Variants in DIP2C observed in about 807,000 individuals in gnomAD.
The protein encoded by DIP2C is disco-interacting protein 2 homolog C.
In DIP2C, 33 loss-of-function variants were observed where a neutral mutation model predicts 192.4. The observed-to-expected ratio is 0.17, with a 90% CI of 0.13 to 0.23. The LOEUF is 0.23. Ranked by LOEUF, DIP2C falls within the 10% of genes least tolerant of loss-of-function variation. The probability of loss-of-function intolerance (pLI) is 1.00; values close to 1 mark genes in which losing one functional copy is unlikely to be tolerated. For synonymous variants in DIP2C, 979 were observed against 864.1 expected (o/e 1.13, Z -2.33); for missense variants, 1,537 against 2,110.1 (o/e 0.73, Z 5.32).
chr10:635,790 G>A (rs1361442456), intron 1 of DIP2C, among the ~76,000 whole-genome samples: 1 of 152,210 alleles, frequency 6.6e-6, no homozygotes, highest in Non-Finnish European at 1.5e-5. Flanking sequence ...GGGCAGAGGT[G>A]GCCAAACTGC....
chr10:395,502 G>T (rs4881224), intron 10 of DIP2C, among the ~76,000 whole-genome samples: 1 of 151,952 alleles, frequency 6.6e-6, no homozygotes, highest in East Asian at 1.9e-4. Context: ...CTCAGGGGAG[G>T]GTCTCTGTAC....
At chr10:372,218 G>A in intron 17 of DIP2C, among the ~76,000 whole-genome samples, 1 of 152,058 alleles carries the variant, frequency 6.6e-6, no homozygotes, top group Non-Finnish European at 1.5e-5. Flanking sequence ...TGGGACTACA[G>A]GCGCCGCCAC....
chr10:558,357 G>T (rs773848957), intron 1 of DIP2C, among the ~76,000 whole-genome samples: 4 of 152,208 alleles, frequency 2.6e-5, no homozygotes, highest in Non-Finnish European at 4.4e-5. Context: ...TCATGTGTGT[G>T]AATAATTTAC....
Position 366,402 on chromosome 10 carries a change from C to T in DIP2C, c.2141G>A (p.Cys714Tyr). ...VGLVMPGAIM[C>Y]SVKPDGVPQL... ...AGGAACCCCGTCTGGCTTCACTGAA[C>T]ACATGATGGCTAAAAGCAAACAGGA... is the stretch of plus-strand genomic sequence containing the variant. Residue 714 changes from cysteine (C) to tyrosine (Y), a missense_variant, in exon 19 of 37, where the codon TGT becomes TAT. By Grantham distance (194) the Cys-to-Tyr change is radical. Transcript: ENST00000280886. 1 of 1,614,206 alleles carries T rather than the reference C, an allele frequency of 6.2e-7. No homozygotes were observed. Among genetic ancestry groups the T allele is most frequent in the Non-Finnish European group, 8.5e-7 (1 of 1,180,048 alleles).
intron 2 of DIP2C, among the ~76,000 whole-genome samples, chr10:481,412 G>T (rs143129001): frequency 2.6e-5 from 4 of 152,164 alleles, no homozygotes. Context: ...TCTCCGTGGC[G>T]ACAGGGCAAG....
Position 689,559 on chromosome 10 carries a change from TC to T in DIP2C, c.19del (p.Glu7ArgfsTer37). 3 of 1,254,946 alleles carry T rather than the reference TC, an allele frequency of 2.4e-6. No individual in the cohort carries two copies. The highest frequency in any genetic ancestry group is 3.5e-5 in the South Asian group (2 of 57,094). 77.7% of individuals were successfully genotyped at this position (1,254,946 alleles called of 1,614,324 possible). ...CACCTCCAGGGGCAGCGCCATGCCC[TC>T]CAGGCTGCGGTCCGCCATGCTCCGC... MADRSL[E>X]GMALPLEVRA... On this transcript the variant is annotated frameshift_variant, in exon 1 of 37. Coordinates refer to ENST00000280886, the MANE Select transcript of DIP2C (RefSeq NM_014974.3). LOFTEE classifies it high-confidence loss of function. The surrounding 1 kb of genome is among the most constrained non-coding windows in gnomAD (Gnocchi z 6.1).
chr10:513,716 TTCA>T (rs1846175528), intron 1 of DIP2C, among the ~76,000 whole-genome samples: 1 of 151,582 alleles, frequency 6.6e-6, no homozygotes, highest in African/African-American at 2.4e-5. Flanking sequence ...TGTTTAAACA[TTCA>T]TCAAAGTAAA....
chr10:303,601 A>G (rs1249827896), intron 32 of DIP2C, among the ~76,000 whole-genome samples: 1 of 151,514 alleles, frequency 6.6e-6, no homozygotes, highest in African/African-American at 2.4e-5. Flanking sequence ...TTGGCTCACC[A>G]CAACCTCTGC....
intron 4 of DIP2C, among the ~76,000 whole-genome samples, chr10:433,005 A>G (rs1394531858): frequency 6.6e-6 from 1 of 151,980 alleles, no homozygotes; most frequent in Non-Finnish European, 1.5e-5. Context: ...TATTCTTTTA[A>G]ATTTGTTAAG....
At chr10:578,774 A>G (rs527859381) in intron 1 of DIP2C, among the ~76,000 whole-genome samples, 3 of 151,772 alleles carry the variant, frequency 2.0e-5, no homozygotes, top group South Asian at 2.1e-4. Flanking sequence ...CCAACTACAT[A>G]TAGTGTACAA....
chr10:419,661 A>C (rs1320380176), intron 5 of DIP2C, among the ~76,000 whole-genome samples: 1 of 152,162 alleles, frequency 6.6e-6, no homozygotes, highest in Admixed American at 6.5e-5. Flanking sequence ...TGGGAACAGT[A>C]ATGGCCATGA....
At chr10:635,232 C>A (rs1319677895) in intron 1 of DIP2C, among the ~76,000 whole-genome samples, 1 of 152,228 alleles carries the variant, frequency 6.6e-6, no homozygotes, top group Non-Finnish European at 1.5e-5. Flanking sequence ...AAGGCAAATC[C>A]ACCTGTGAAT....
At position 532,544 on chromosome 10, in the gene DIP2C, T is replaced by TATGGGTGAGAGAGAGAGTATGGGTGAGA. The variant is rs1554892908; in HGVS notation, c.86-46015_86-46014insTCTCACCCATACTCTCTCTCTCACCCAT. Among the ~76,000 whole-genome samples the TATGGGTGAGAGAGAGAGTATGGGTGAGA allele has an allele frequency of 9.5e-4, 108 of 113,402 alleles. 7 individuals are homozygous for TATGGGTGAGAGAGAGAGTATGGGTGAGA. Among genetic ancestry groups the TATGGGTGAGAGAGAGAGTATGGGTGAGA allele is most frequent in the African/African-American group, 3.3e-3 (86 of 26,048 alleles). 74.4% of individuals were successfully genotyped at this position (113,402 alleles called of 152,430 possible). On this transcript the variant is annotated intron_variant, in intron 1 of 36. Transcript: ENST00000280886. ...GTGGGTGTGTGAGAGAGTATGGGTG[T>TATGGGTGAGAGAGAGAGTATGGGTGAGA]GAGAGAGTATGGGTGAGAGAGAGAG...
chr10:506,484 G>C (rs556880080), intron 1 of DIP2C, among the ~76,000 whole-genome samples: 1 of 152,302 alleles, frequency 6.6e-6, no homozygotes, highest in East Asian at 1.9e-4. Context: ...AGTCCAGCGT[G>C]TGGTCATGAC....
intron 32 of DIP2C, among the ~76,000 whole-genome samples, chr10:294,793 G>A (rs187333972): frequency 3.3e-3 from 499 of 151,894 alleles, no homozygotes; most frequent in Middle Eastern, 6.8e-3. Context: ...AAAAGCACAG[G>A]CCACAAAAGC....
chr10:407,967 T>C (rs1964925179), intron 9 of DIP2C, among the ~76,000 whole-genome samples: 1 of 152,244 alleles, frequency 6.6e-6, no homozygotes. Flanking sequence ...TGCCTGTGGT[T>C]CGGGTGCCAC....
chr10:447,280 T>C (rs78165450), intron 3 of DIP2C, among the ~76,000 whole-genome samples: 22 of 107,052 alleles, frequency 2.1e-4, no homozygotes, highest in African/African-American at 4.1e-4. Context: ...CCCGTCGATA[T>C]TCAGGATCAC....
intron 1 of DIP2C, among the ~76,000 whole-genome samples, chr10:624,403 A>C (rs1854068220): frequency 6.6e-6 from 1 of 152,222 alleles, no homozygotes; most frequent in Non-Finnish European, 1.5e-5. Flanking sequence ...CAGGGGCCCC[A>C]AAACACAAGC....
chr10:578,200 C>T (rs954346503), intron 1 of DIP2C, among the ~76,000 whole-genome samples: 5 of 152,188 alleles, frequency 3.3e-5, no homozygotes, highest in Non-Finnish European at 5.9e-5. Flanking sequence ...ACTTACATAT[C>T]ATTTTCAACG....
Sources: gnomAD v4.1 joint callset for allele counts (sites outside exome capture counted in the v4.1 genomes callset) on GRCh38, gnomAD v4.1.1 for gene constraint, Gnocchi (gnomAD v3.1) non-coding constraint, MANE v1.5 for transcripts, NCBI Gene and HGNC (gene_info 2026-07-23, HGNC 2026-07-21) for gene names.